Variants in STK17A observed in about 807,000 individuals in gnomAD.
STK17A encodes the protein serine/threonine-protein kinase 17A.
A neutral mutation model predicts 43.7 loss-of-function variants in STK17A; 26 were observed. That is an observed-to-expected ratio of 0.60 (90% CI 0.44 to 0.83). The LOEUF (loss-of-function observed/expected upper bound fraction) is 0.83, where lower values mean the gene tolerates loss of function less well. Ranked by LOEUF, STK17A falls within the 40% of genes least tolerant of loss-of-function variation. The pLI, the probability that STK17A is intolerant of heterozygous loss-of-function variation, is 0.00. For missense variants in STK17A, 476 were observed against 511.6 expected (o/e 0.93, Z 0.67); for synonymous variants, 191 against 182.5 (o/e 1.05, Z -0.38).
rs2084595933 is a variant in STK17A, at chr7:43,626,791, TG to T, written c.*1950del. The T allele has an allele frequency of 6.6e-6, 1 of 152,226 alleles. No homozygotes were observed. The highest frequency in any genetic ancestry group is 1.5e-5 in the Non-Finnish European group (1 of 68,034). The allele number at this position is 152,226 out of a possible 1,614,324, so 9.4% of individuals were successfully genotyped here. On this transcript the variant is annotated 3_prime_UTR_variant, in exon 7 of 7. Coordinates refer to ENST00000319357, the MANE Select transcript of STK17A (RefSeq NM_004760.3). ...TAATAAATATATTTAATATAATTGC[TG>T]TATTTGTGAGAAAGATCTGTTTTCT...
chr7:43,585,639 G>T (rs2082433248), intron 1 of STK17A, among the ~76,000 whole-genome samples: 1 of 151,498 alleles, frequency 6.6e-6, no homozygotes, highest in African/African-American at 2.4e-5. Flanking sequence ...CAGTGCTTAA[G>T]AACATTGGCT....
At chr7:43,590,437 C>T (rs34351752) in intron 1 of STK17A, among the ~76,000 whole-genome samples, 22,857 of 150,980 alleles carry the variant, frequency 0.15, 3,021 homozygotes, top group Non-Finnish European at 0.23. Flanking sequence ...TCAAATGTCA[C>T]CTCCTCTTGT....
At chr7:43,617,459 A>G (rs775912132) in intron 3 of STK17A, among the ~76,000 whole-genome samples, 2 of 152,226 alleles carry the variant, frequency 1.3e-5, no homozygotes, top group Non-Finnish European at 2.9e-5. Flanking sequence ...AAAATCAACT[A>G]TGGTGACATG....
intron 2 of STK17A, among the ~76,000 whole-genome samples, chr7:43,606,926 T>C: frequency 6.9e-6 from 1 of 144,336 alleles, no homozygotes; most frequent in Non-Finnish European, 1.5e-5. Context: ...CTTTTTTTTT[T>C]TTTTTTTTTT....
At chr7:43,623,428 C>A in intron 4 of STK17A, 144 bp from the exon 5 acceptor site, 1 of 655,856 alleles carries the variant, frequency 1.5e-6, no homozygotes, top group Non-Finnish European at 2.6e-6. Context: ...TATATTAATT[C>A]ATATTAATTT....
Position 43,619,629 on chromosome 7 carries a change from A to G in STK17A, c.597A>G (p.Pro199=), listed in dbSNP as rs2083672132. ...ATATTCTGTTGACAAGTGAATCTCCATTGGGTGACATTAAGATTGTTGATT... is the reference window on the plus strand; with the variant it reads ...ATATTCTGTTGACAAGTGAATCTCCGTTGGGTGACATTAAGATTGTTGATT... The part of the protein sequence containing the change: ...PQNILLTSES[P]LGDIKIVDFG... Residue 199 remains proline, a synonymous_variant, in exon 4 of 7, where the codon CCA becomes CCG. Coordinates refer to ENST00000319357, the MANE Select transcript of STK17A (RefSeq NM_004760.3). 1 of 1,614,034 alleles carries G rather than the reference A, an allele frequency of 6.2e-7. No individual in the cohort carries two copies. Among genetic ancestry groups the G allele is most frequent in the Admixed American group, 1.7e-5 (1 of 60,010 alleles).
At chr7:43,624,037 A>G (rs1027051291) in intron 6 of STK17A, 149 bp downstream of exon 6, 2 of 568,040 alleles carry the variant, frequency 3.5e-6, no homozygotes, top group East Asian at 6.7e-5. Context: ...AAATGTTGAC[A>G]TAAATCTAGG....
At chr7:43,602,696 G>A (rs962641449) in intron 2 of STK17A, among the ~76,000 whole-genome samples, 11 of 151,968 alleles carry the variant, frequency 7.2e-5, no homozygotes, top group African/African-American at 2.4e-4. Flanking sequence ...TTCCATCAGC[G>A]TTACTTATGT....
chr7:43,597,615 C>T (rs568295175), intron 2 of STK17A, among the ~76,000 whole-genome samples: 1 of 152,124 alleles, frequency 6.6e-6, no homozygotes, highest in Non-Finnish European at 1.5e-5. Flanking sequence ...AAACTCCTGA[C>T]CTCAGGTGAT....
chr7:43,623,895 ATTATTT>A lies in STK17A; in HGVS notation c.920+13_920+18del. ...TTTTAGTTAAGAAACCTGAGTAAGT[ATTATTT>A]TTATTAGTTTAATATTGAACTAATT... On this transcript the variant is annotated splice_region_variant and intron_variant, in intron 6 of 6. Coordinates refer to ENST00000319357, the MANE Select transcript of STK17A (RefSeq NM_004760.3). 1 of 1,479,366 alleles carries A rather than the reference ATTATTT, an allele frequency of 6.8e-7. No homozygotes were observed. The highest frequency in any genetic ancestry group is 2.4e-5 in the East Asian group (1 of 41,408). The allele number at this position is 1,479,366 out of a possible 1,614,324, so 91.6% of individuals were successfully genotyped here.
intron 1 of STK17A, 52 bp from the exon 2 acceptor site, chr7:43,595,849 C>G (rs1205684719): frequency 1.8e-5 from 27 of 1,538,480 alleles, no homozygotes; most frequent in Non-Finnish European, 2.4e-5. Flanking sequence ...TGAAATCTGC[C>G]ATCTCTGGAA....
At position 43,583,249 on chromosome 7, in the gene STK17A, C is replaced by T. The variant is rs2082412573; in HGVS notation, c.6C>T (p.Ile2=). 1 of 1,550,272 alleles carries T rather than the reference C, an allele frequency of 6.5e-7. No individual in the cohort carries two copies. ...AAGAAGCGGGCCTGAACACCATGAT[C>T]CCTTTGGAGAAGCCAGGCAGCGGCG... The part of the protein sequence containing the change: M[I]PLEKPGSGGS... The change falls in exon 1 of 7, where the codon ATC becomes ATT. Residue 2 remains isoleucine (I), a synonymous_variant. Coordinates refer to ENST00000319357, the MANE Select transcript of STK17A (RefSeq NM_004760.3).
intron 1 of STK17A, 58 bp downstream of exon 1, chr7:43,583,507 G>A: frequency 1.6e-6 from 2 of 1,234,630 alleles, no homozygotes; most frequent in Non-Finnish European, 2.0e-6. Context: ...CGGGACGTGG[G>A]CGCCGATAAG....
intron 3 of STK17A, among the ~76,000 whole-genome samples, chr7:43,614,501 G>GAT (rs773778000): frequency 6.6e-6 from 1 of 152,194 alleles, no homozygotes; most frequent in Non-Finnish European, 1.5e-5. Flanking sequence ...ATTGGAAGTA[G>GAT]ATATATTTCA....
intron 3 of STK17A, among the ~76,000 whole-genome samples, chr7:43,616,829 G>A (rs2083397443): frequency 6.6e-6 from 1 of 152,112 alleles, no homozygotes; most frequent in African/African-American, 2.4e-5. Flanking sequence ...CCTGGGAGGT[G>A]GAGCTTGCAG....
Position 43,595,984 on chromosome 7 carries a change from A to G in STK17A, c.290A>G (p.Lys97Arg), listed in dbSNP as rs138232263. ...FAAKFMRKRR[K>R]GQDCRMEIIH... The stretch of plus-strand genomic sequence containing the variant: ...GCAAAGTTCATGAGAAAAAGAAGAA[A>G]AGGCCAAGATTGTCGGATGGAAATA... Residue 97 changes from lysine to arginine, a missense_variant, in exon 2 of 7, where the codon AAA becomes AGA. Physicochemically the swap from Lys to Arg is conservative, Grantham distance 26. This residue lies in a region of STK17A where 320 missense variants were observed against 326.3 expected (regional missense o/e 0.98). Transcript: ENST00000319357. 4.5e-4 allele frequency: 728 copies of G among 1,614,018 alleles called. No individual in the cohort carries two copies. The highest frequency in any genetic ancestry group is 5.6e-4 in the Non-Finnish European group (662 of 1,179,960).
rs928020340 is a variant in STK17A at position 43,595,929 on chromosome 7, A to G, written c.235A>G (p.Ile79Val). Residue 79 changes from isoleucine to valine, a missense_variant, in exon 2 of 7, where the codon ATA becomes GTA. Ile to Val is a conservative substitution (Grantham distance 29, BLOSUM62 3). Transcript: ENST00000319357. ...RGKFAVVRKC[I>V]KKDSGKEFAA... ...GAAATTTGCAGTGGTGAGAAAATGTATAAAGAAAGATTCTGGGAAAGAATT... is the reference window on the plus strand; with the variant it reads ...GAAATTTGCAGTGGTGAGAAAATGTGTAAAGAAAGATTCTGGGAAAGAATT... 20 of 1,613,710 alleles carry G rather than the reference A, an allele frequency of 1.2e-5. No homozygotes were observed. The African/African-American group carries it at 1.6e-4, about 13-fold the overall frequency.
rs768041971 is a variant in STK17A, at chr7:43,623,887, GAGTA to G, written c.920+4_920+7del. On this transcript the variant is annotated splice_donor_variant and splice_donor_region_variant and coding_sequence_variant and intron_variant, in exon 6 of 7. Transcript: ENST00000319357. LOFTEE classifies it high-confidence loss of function. ...CAGGACACTTTTAGTTAAGAAACCT[GAGTA>G]AGTATTATTTTTATTAGTTTAATAT... 21 of 1,509,978 alleles carry G rather than the reference GAGTA, an allele frequency of 1.4e-5. No individual in the cohort carries two copies. In the South Asian group the frequency reaches 1.7e-4, roughly 12 times the overall value. 93.5% of individuals were successfully genotyped at this position (1,509,978 alleles called of 1,614,324 possible).
rs182181809 is a variant in STK17A, at chr7:43,600,420, A to C, written c.419+4307A>C. ...GATTTTGATCTTTTGGGATTTTTACATTCTGGATCATGGCATCTGTGATTG... is the reference window on the plus strand; with the variant it reads ...GATTTTGATCTTTTGGGATTTTTACCTTCTGGATCATGGCATCTGTGATTG... On this transcript the variant is annotated intron_variant, in intron 2 of 6. Coordinates refer to ENST00000319357, the MANE Select transcript of STK17A (RefSeq NM_004760.3). 3.0e-4 allele frequency among the ~76,000 whole-genome samples: 46 copies of C among 152,248 alleles called. 1 individual carries two copies. The highest frequency in any genetic ancestry group is 3.4e-3 in the Middle Eastern group (1 of 294).
Sources: gnomAD v4.1 joint callset for allele counts (sites outside exome capture counted in the v4.1 genomes callset) on GRCh38, gnomAD v4.1.1 for gene constraint, gnomAD v4.1.1 regional missense constraint, MANE v1.5 for transcripts, NCBI Gene and HGNC (gene_info 2026-07-23, HGNC 2026-07-21) for gene names.